RSRC1: variants seen among roughly 807,000 people sequenced by gnomAD.
RSRC1 encodes the protein arginine and serine rich coiled-coil 1.
A neutral mutation model predicts 49.1 loss-of-function variants in RSRC1; 39 were observed. The ratio of observed to expected loss-of-function variants is 0.79; its 90% CI spans 0.61 to 1.04. RSRC1 has a LOEUF of 1.04. Among genes scored for constraint, RSRC1 ranks in the 50% least tolerant of loss-of-function variants. RSRC1 has a pLI of 0.00. For synonymous variants in RSRC1, 143 were observed against 130.8 expected, an observed-to-expected ratio of 1.09 and a Z score of -0.63; for missense variants, 388 against 402.4, an observed-to-expected ratio of 0.96 and a Z score of 0.31.
chr3:158,254,443 T>G (rs1724412386), intron 4 of RSRC1, among the ~76,000 whole-genome samples: 1 of 152,172 alleles, frequency 6.6e-6, no homozygotes. Context: ...TCCTGACTTT[T>G]TTTTTTGAGA....
intron 6 of RSRC1, among the ~76,000 whole-genome samples, chr3:158,416,812 A>T (rs1043340322): frequency 6.6e-6 from 1 of 152,090 alleles, no homozygotes; most frequent in Non-Finnish European, 1.5e-5. Context: ...AACAGTTTTA[A>T]GGAAGTAAAT....
Position 158,339,721 on chromosome 3 carries a change from G to A in RSRC1, c.532-15136G>A, listed in dbSNP as rs1730125581. Among the ~76,000 whole-genome samples the A allele has an allele frequency of 2.0e-5, 3 of 152,282 alleles. No homozygotes were observed. In the South Asian group the frequency reaches 6.2e-4, roughly 32 times the overall value. ...TTACTGATCACCAACTGTATTTCAG[G>A]CACTCTCCTAGGTGCTAATGATACA... On this transcript the variant is annotated intron_variant, in intron 5 of 9. Transcript: ENST00000611884.
intron 5 of RSRC1, among the ~76,000 whole-genome samples, chr3:158,341,816 G>C (rs1730259342): frequency 6.6e-6 from 1 of 152,164 alleles, no homozygotes; most frequent in African/African-American, 2.4e-5. Flanking sequence ...AAAGCAGCCG[G>C]GAGGGAGGCT....
rs149025297 is a variant in RSRC1 at position 158,489,568 on chromosome 3, A to G, written c.652+28565A>G. Reference sequence around the variant, plus strand: ...TGTAGTTTATTTTTATATAATTTATATATTTAGTTTATTTTATGTAAAACA... The same window carrying G: ...TGTAGTTTATTTTTATATAATTTATGTATTTAGTTTATTTTATGTAAAACA... On this transcript the variant is annotated intron_variant, in intron 7 of 9. Transcript: ENST00000611884. Among the ~76,000 whole-genome samples, 269 of 152,114 alleles carry G rather than the reference A, an allele frequency of 1.8e-3. 2 individuals carry two copies. Among genetic ancestry groups the G allele is most frequent in the African/African-American group, 6.2e-3 (257 of 41,546 alleles).
chr3:158,467,222 C>T (rs375004061), intron 7 of RSRC1, among the ~76,000 whole-genome samples: 4 of 152,234 alleles, frequency 2.6e-5, no homozygotes. Context: ...GGATACTGCT[C>T]TAAGCTGTAT....
At position 158,129,288 on chromosome 3, in the gene RSRC1, CTT is replaced by C. The variant is rs71144439; in HGVS notation, c.320+5319_320+5320del. 8.7e-3 allele frequency among the ~76,000 whole-genome samples: 619 copies of C among 71,098 alleles called. 4 individuals carry two copies. The highest frequency in any genetic ancestry group is 0.034 in the African/African-American group (536 of 15,636). 46.6% of individuals were successfully genotyped at this position (71,098 alleles called of 152,430 possible). On this transcript the variant is annotated intron_variant, in intron 3 of 9. Transcript: ENST00000611884. ...GAGATCTAGGAACATTTCTTTCTTT[CTT>C]TTTTTTTTTTTTTTTTTTTTTGAGA...
intron 3 of RSRC1, 94 bp downstream of exon 3, chr3:158,124,085 A>T: frequency 1.1e-6 from 1 of 927,190 alleles, no homozygotes; most frequent in Non-Finnish European, 1.5e-6. Context: ...TAATTATATA[A>T]TTTTGATTGA....
intron 6 of RSRC1, among the ~76,000 whole-genome samples, chr3:158,427,626 T>G (rs1735522331): frequency 1.3e-5 from 2 of 151,810 alleles, no homozygotes; most frequent in Non-Finnish European, 2.9e-5. Context: ...AGAGACCAAA[T>G]TATATATGGA....
chr3:158,427,086 C>T (rs1735486105), intron 6 of RSRC1, among the ~76,000 whole-genome samples: 1 of 151,592 alleles, frequency 6.6e-6, no homozygotes, highest in Non-Finnish European at 1.5e-5. Context: ...CAGTAGGGCA[C>T]GTATGACTTA....
At chr3:158,377,998 C>T (rs1732467569) in intron 6 of RSRC1, among the ~76,000 whole-genome samples, 1 of 152,104 alleles carries the variant, frequency 6.6e-6, no homozygotes, top group Non-Finnish European at 1.5e-5. Flanking sequence ...TGGACTGATA[C>T]AGTCATCCTG....
chr3:158,280,191 C>T lies in RSRC1; in HGVS notation c.495-17848C>T, dbSNP rs1253006171. On this transcript the variant is annotated intron_variant, in intron 4 of 9. Transcript: ENST00000611884. Reference sequence around the variant, plus strand: ...CCGAATTTGGAATGGTATTCAGATTCTGGGTAGCTTAAGAAGTATAACAAA... The same window carrying T: ...CCGAATTTGGAATGGTATTCAGATTTTGGGTAGCTTAAGAAGTATAACAAA... Among the ~76,000 whole-genome samples, 3 of 152,106 alleles carry T rather than the reference C, an allele frequency of 2.0e-5. No homozygotes were observed. The East Asian group carries it at 5.8e-4, about 29-fold the overall frequency.
chr3:158,168,889 T>C (rs941905113), intron 3 of RSRC1, among the ~76,000 whole-genome samples: 4 of 152,070 alleles, frequency 2.6e-5, no homozygotes, highest in African/African-American at 9.7e-5. Flanking sequence ...AATTTTAAGC[T>C]CCCCAAACAA....
At chr3:158,420,324 T>G (rs1480660158) in intron 6 of RSRC1, among the ~76,000 whole-genome samples, 1 of 151,942 alleles carries the variant, frequency 6.6e-6, no homozygotes, top group African/African-American at 2.4e-5. Context: ...GTAAAGCTCA[T>G]GAAAAGATTT....
At chr3:158,275,660 G>T (rs1236473059) in intron 4 of RSRC1, 1 of 378,846 alleles carries the variant, frequency 2.6e-6, no homozygotes, top group Non-Finnish European at 4.1e-6. Flanking sequence ...ATCACTTATT[G>T]TCTTCAAACA....
In RSRC1 at chr3:158,192,734, G is replaced by A. The variant is rs146903733; in HGVS notation, c.321-10338G>A. 5.9e-5 allele frequency among the ~76,000 whole-genome samples: 9 copies of A among 152,058 alleles called. No individual in the cohort carries two copies. The East Asian group carries it at 1.7e-3, about 30-fold the overall frequency. Reference sequence around the variant, plus strand: ...AAATATTTCCTTTTATCCTCCAAAGGCTTCAGGACTTGGATGATAGGTGAT... The same window carrying A: ...AAATATTTCCTTTTATCCTCCAAAGACTTCAGGACTTGGATGATAGGTGAT... On this transcript the variant is annotated intron_variant, in intron 3 of 9. Coordinates refer to ENST00000611884, the MANE Select transcript of RSRC1 (RefSeq NM_001271838.2).
At chr3:158,309,048 T>C (rs1013131640) in intron 5 of RSRC1, among the ~76,000 whole-genome samples, 1 of 151,914 alleles carries the variant, frequency 6.6e-6, no homozygotes, top group East Asian at 1.9e-4. Context: ...AAATATGTAA[T>C]GAAATCTGTT....
chr3:158,225,017 A>C (rs1445577422), intron 4 of RSRC1, among the ~76,000 whole-genome samples: 1 of 151,906 alleles, frequency 6.6e-6, no homozygotes. Flanking sequence ...AGGTTTTTGA[A>C]GTACCAATCT....
chr3:158,233,558 C>T (rs571301793), intron 4 of RSRC1, among the ~76,000 whole-genome samples: 9 of 152,158 alleles, frequency 5.9e-5, no homozygotes, highest in Admixed American at 2.0e-4. Flanking sequence ...TGTTTTAATT[C>T]GATCTTAAAG....
At chr3:158,518,464 T>C (rs1017116457) in intron 7 of RSRC1, among the ~76,000 whole-genome samples, 1 of 151,798 alleles carries the variant, frequency 6.6e-6, no homozygotes, top group Non-Finnish European at 1.5e-5. Context: ...TCTTTTAACT[T>C]CCTGTGATCT....
Sources: allele counts gnomAD v4.1 joint callset (sites outside exome capture counted in the v4.1 genomes callset), GRCh38; gene constraint gnomAD v4.1.1; transcripts MANE v1.5; gene names NCBI Gene and HGNC (gene_info 2026-07-23, HGNC 2026-07-21).